Variants in PNPLA8 observed in about 807,000 individuals in gnomAD.
PNPLA8 encodes patatin like domain 8, phospholipase A2.
PNPLA8 carries 39 observed loss-of-function variants against 76.9 expected under a neutral mutation model. The observed-to-expected ratio is 0.51, with a 90% CI of 0.39 to 0.66. The LOEUF (loss-of-function observed/expected upper bound fraction) is 0.66. Ranked by LOEUF, PNPLA8 falls within the 30% of genes least tolerant of loss-of-function variation. The pLI is 0.00. For synonymous variants in PNPLA8, 301 were observed against 307.9 expected, an observed-to-expected ratio of 0.98 and a Z score of 0.24; for missense variants, 887 against 918.0, an observed-to-expected ratio of 0.97 and a Z score of 0.44.
intron 4 of PNPLA8, among the ~76,000 whole-genome samples, chr7:108,505,900 G>A (rs1862386160): frequency 6.6e-6 from 1 of 152,034 alleles, no homozygotes; most frequent in African/African-American, 2.4e-5. Context: ...TACAAATAAT[G>A]AAGAAAAAGT....
intron 8 of PNPLA8, among the ~76,000 whole-genome samples, chr7:108,489,787 T>C (rs1861010455): frequency 6.6e-6 from 1 of 152,188 alleles, no homozygotes; most frequent in African/African-American, 2.4e-5. Context: ...TGAGAATAAA[T>C]ACAAGCTGCA....
Position 108,514,282 on chromosome 7 carries a change from C to T in PNPLA8, c.1068G>A (p.Arg356=), listed in dbSNP as rs762911123. ...CCCGGGTCCTGTTATCAATACTCACCCTTGCGATAATCTACAAAGACATAT... is the reference window on the plus strand; with the variant it reads ...CCCGGGTCCTGTTATCAATACTCACTCTTGCGATAATCTACAAAGACATAT... The part of the protein sequence containing the change: ...LSLQREKIIA[R]VSIDNRTRAL... The change falls in exon 4 of 11, where the codon AGG becomes AGA. Residue 356 remains arginine (R), a synonymous_variant. Coordinates refer to ENST00000257694, the MANE Select transcript of PNPLA8 (RefSeq NM_001256007.3). 3.1e-6 allele frequency: 5 copies of T among 1,610,346 alleles called. No homozygotes were observed. The South Asian group carries it at 3.3e-5, about 11-fold the overall frequency.
rs748861556 is a variant in PNPLA8 at position 108,515,072 on chromosome 7, C to T, written c.420G>A (p.Ser140=). ...TTTTCTGTTTTAACCAGCCACTATCCGATACTTTTCTTAAAATTTGGGAAC... is the reference window on the plus strand; with the variant it reads ...TTTTCTGTTTTAACCAGCCACTATCTGATACTTTTCTTAAAATTTGGGAAC... ...KPSSQILRKV[S]DSGWLKQKNI... Residue 140 remains serine (S), a synonymous_variant, in exon 3 of 11, where the codon TCG becomes TCA. Transcript: ENST00000257694. 30 of 1,603,670 alleles carry T rather than the reference C, an allele frequency of 1.9e-5. No individual in the cohort carries two copies. Among genetic ancestry groups the T allele is most frequent in the Admixed American group, 1.6e-4 (9 of 57,672 alleles).
intron 10 of PNPLA8, among the ~76,000 whole-genome samples, chr7:108,473,791 A>T (rs1350789540): frequency 6.6e-6 from 1 of 152,128 alleles, no homozygotes; most frequent in East Asian, 1.9e-4. Context: ...CGCAACCTCG[A>T]ACTCCTGGGC....
chr7:108,476,876 A>AAGCCAGACACAGGAAAATG (rs1181520961), intron 10 of PNPLA8, among the ~76,000 whole-genome samples: 1 of 152,198 alleles, frequency 6.6e-6, no homozygotes, highest in Non-Finnish European at 1.5e-5. Flanking sequence ...TAAGGGAACT[A>AAGCCAGACACAGGAAAATG]AGCCAGACAC....
chr7:108,476,115 AC>A (rs1480767199), intron 10 of PNPLA8, among the ~76,000 whole-genome samples: 9 of 152,132 alleles, frequency 5.9e-5, no homozygotes, highest in African/African-American at 1.9e-4. Context: ...CACAGATTAA[AC>A]CCTATAAAAT....
intron 2 of PNPLA8, 72 bp from the exon 3 acceptor site, chr7:108,515,646 T>C (rs1863285142): frequency 2.4e-6 from 2 of 830,578 alleles, no homozygotes; most frequent in Non-Finnish European, 3.3e-6. Flanking sequence ...AACACAAGAC[T>C]ATTTGGACTA....
chr7:108,516,758 T>G (rs185322679), intron 2 of PNPLA8, among the ~76,000 whole-genome samples: 2 of 152,022 alleles, frequency 1.3e-5, no homozygotes, highest in Admixed American at 1.3e-4. Context: ...AAAAATTAGC[T>G]AGGCATGGTG....
chr7:108,518,738 TATATATATATATATATATATAC>T (rs1863525091), intron 2 of PNPLA8, among the ~76,000 whole-genome samples: 3 of 135,162 alleles, frequency 2.2e-5, no homozygotes, highest in African/African-American at 5.9e-5. Flanking sequence ...TATATATATA[TATATATATATATATATATATAC>T]ACACACACAC....
chr7:108,506,869 GT>G (rs1487118131), intron 4 of PNPLA8, among the ~76,000 whole-genome samples: 2 of 152,114 alleles, frequency 1.3e-5, no homozygotes, highest in African/African-American at 4.8e-5. Context: ...ATTCAGGGTG[GT>G]GGTTATATAG....
intron 4 of PNPLA8, among the ~76,000 whole-genome samples, chr7:108,507,080 C>T (rs897553165): frequency 1.3e-5 from 2 of 152,114 alleles, no homozygotes; most frequent in South Asian, 2.1e-4. Context: ...CGGTGGCTCA[C>T]GCCTGTAATC....
intron 2 of PNPLA8, among the ~76,000 whole-genome samples, chr7:108,520,915 A>T (rs1863688845): frequency 6.6e-6 from 1 of 152,066 alleles, no homozygotes; most frequent in Non-Finnish European, 1.5e-5. Context: ...ATAAAAAATA[A>T]TTTTATAAAA....
At chr7:108,473,566 G>GT in intron 10 of PNPLA8, among the ~76,000 whole-genome samples, 1 of 152,298 alleles carries the variant, frequency 6.6e-6, no homozygotes, top group African/African-American at 2.4e-5. Flanking sequence ...CCCAAAGTTA[G>GT]TATGTCAAGT....
intron 4 of PNPLA8, among the ~76,000 whole-genome samples, chr7:108,504,735 G>C (rs957981687): frequency 2.0e-5 from 3 of 152,138 alleles, no homozygotes; most frequent in African/African-American, 7.2e-5. Context: ...CAAAAATTGA[G>C]CCAGTGCACT....
intron 10 of PNPLA8, among the ~76,000 whole-genome samples, chr7:108,475,264 T>G (rs1859905821): frequency 1.3e-5 from 2 of 152,160 alleles, no homozygotes; most frequent in Admixed American, 1.3e-4. Flanking sequence ...GTAATAATAC[T>G]AGAAATAAAG....
chr7:108,499,681 T>C (rs138105212), intron 5 of PNPLA8, among the ~76,000 whole-genome samples: 162 of 152,324 alleles, frequency 1.1e-3, no homozygotes, highest in Middle Eastern at 3.4e-3. Flanking sequence ...CTCCAGACAC[T>C]GCCAAATGTC....
In PNPLA8 at chr7:108,510,128, G is replaced by A. The variant is rs545710235; in HGVS notation, c.1206+4016C>T. On this transcript the variant is annotated intron_variant, in intron 4 of 10. Coordinates refer to ENST00000257694, the MANE Select transcript of PNPLA8 (RefSeq NM_001256007.3). ...ACCAGCATGGCACATGTATACATAT[G>A]TAACTAACCTGCACAATGTGCACAT... 3.1e-4 allele frequency: 182 copies of A among 583,968 alleles called. No homozygotes were observed. The East Asian group carries it at 4.5e-3, about 14-fold the overall frequency. The allele number at this position is 583,968 out of a possible 1,614,324, so 36.2% of individuals were successfully genotyped here. A position where few individuals can be genotyped will look rare whatever the true frequency, so the allele number is the denominator to read the frequency against.
chr7:108,478,664 T>A (rs1563931640), intron 10 of PNPLA8, among the ~76,000 whole-genome samples: 1 of 152,164 alleles, frequency 6.6e-6, no homozygotes, highest in Non-Finnish European at 1.5e-5. Flanking sequence ...AGTGCTGGGA[T>A]TACTGGTATG....
At chr7:108,487,252 T>C (rs914235905) in intron 9 of PNPLA8, among the ~76,000 whole-genome samples, 3 of 152,208 alleles carry the variant, frequency 2.0e-5, no homozygotes, top group Non-Finnish European at 4.4e-5. Context: ...AATTCCTTGT[T>C]TGTAAAATGG....
Sources: gnomAD v4.1 joint callset for allele counts (sites outside exome capture counted in the v4.1 genomes callset) on GRCh38, gnomAD v4.1.1 for gene constraint, MANE v1.5 for transcripts, NCBI Gene and HGNC (gene_info 2026-07-23, HGNC 2026-07-21) for gene names.